TUT4: variants seen among roughly 807,000 people sequenced by gnomAD.
TUT4 encodes terminal uridylyl transferase 4.
In TUT4, 36 loss-of-function variants were observed where a neutral mutation model predicts 192.2. The ratio of observed to expected loss-of-function variants is 0.19; its 90% CI spans 0.14 to 0.25. TUT4 has a LOEUF of 0.25. Ranked by LOEUF, TUT4 falls within the 10% of genes least tolerant of loss-of-function variation. The pLI is 1.00. For missense variants in TUT4, 1,493 were observed against 1,957.2 expected (o/e 0.76, Z 4.47); for synonymous variants, 618 against 666.0 (o/e 0.93, Z 1.11).
At chr1:52,511,146 A>G (rs1677044866) in intron 3 of TUT4, among the ~76,000 whole-genome samples, 1 of 152,230 alleles carries the variant, frequency 6.6e-6, no homozygotes, top group South Asian at 2.1e-4. Flanking sequence ...CATCCCTTAT[A>G]GAGTATTAAC....
chr1:52,522,208 T>G (rs1379529454), intron 2 of TUT4, among the ~76,000 whole-genome samples: 1 of 152,234 alleles, frequency 6.6e-6, no homozygotes, highest in Non-Finnish European at 1.5e-5. Context: ...GAAAAATGAC[T>G]GTATACTACA....
rs774531736 is a variant in TUT4, at chr1:52,458,455, AAAC to A, written c.3322-9_3322-7del. ...GCATCCCCAATGTCACATCGCTAAA[AAAC>A]AACATGATTGAAAACAAAACTTCAG... On this transcript the variant is annotated splice_region_variant and splice_polypyrimidine_tract_variant and intron_variant, in intron 19 of 29. Transcript: ENST00000257177. 31 of 1,603,148 alleles carry A rather than the reference AAAC, an allele frequency of 1.9e-5. No individual in the cohort carries two copies. Among genetic ancestry groups the A allele is most frequent in the Non-Finnish European group, 2.5e-5 (29 of 1,171,956 alleles).
intron 9 of TUT4, among the ~76,000 whole-genome samples, chr1:52,488,423 T>C (rs1670328049): frequency 6.6e-6 from 1 of 152,150 alleles, no homozygotes; most frequent in African/African-American, 2.4e-5. Flanking sequence ...ACATACAAAT[T>C]AAGACTAATT....
At chr1:52,548,969 G>A (rs1042357800) in intron 1 of TUT4, among the ~76,000 whole-genome samples, 1 of 152,138 alleles carries the variant, frequency 6.6e-6, no homozygotes, top group Admixed American at 6.5e-5. Flanking sequence ...GTATAACAAG[G>A]TGATCTCCCC....
chr1:52,497,096 C>T lies in TUT4; in HGVS notation c.1087G>A (p.Ala363Thr), dbSNP rs763459321. The change falls in exon 5 of 30, where the codon GCA (alanine) becomes ACA (threonine). Residue 363 changes from alanine (A) to threonine (T), a missense_variant. By Grantham distance (58) the Ala-to-Thr change is moderately conservative. Transcript: ENST00000257177. ...AALSVAVIEL[A>T]KEHGITDDDL... ...TCATCTGTTATTCCATGTTCTTTTG[C>T]TAATTCAATGACTGCAACACTTAAA... The T allele has an allele frequency of 2.5e-6, 4 of 1,613,812 alleles. No individual in the cohort carries two copies. The highest frequency in any genetic ancestry group is 1.1e-5 in the South Asian group (1 of 91,040).
chr1:52,435,492 C>A, intron 26 of TUT4, 27 bp from the exon 27 acceptor site: 1 of 1,562,786 alleles, frequency 6.4e-7, no homozygotes. Flanking sequence ...CAAAGAAAAT[C>A]AACAGATAAG....
At chr1:52,448,353 C>T (rs1234549781) in intron 20 of TUT4, among the ~76,000 whole-genome samples, 2 of 152,108 alleles carry the variant, frequency 1.3e-5, no homozygotes, top group East Asian at 1.9e-4. Context: ...TTTGGGAGGC[C>T]GAGGCAGGCG....
chr1:52,512,187 G>C (rs748072497), intron 3 of TUT4, among the ~76,000 whole-genome samples: 1 of 152,138 alleles, frequency 6.6e-6, no homozygotes, highest in Non-Finnish European at 1.5e-5. Context: ...ACTGACCTTG[G>C]ATAAAGCTGT....
rs976949876 is a variant in TUT4 at position 52,490,736 on chromosome 1, T to C, written c.1384A>G (p.Lys462Glu). 4 of 1,608,502 alleles carry C rather than the reference T, an allele frequency of 2.5e-6. No homozygotes were observed. The highest frequency in any genetic ancestry group is 2.5e-6 in the Non-Finnish European group (3 of 1,177,998). The change falls in exon 8 of 30, where the codon AAA (lysine) becomes GAA (glutamate). Residue 462 changes from lysine to glutamate, a missense_variant. Physicochemically the swap from Lys to Glu is moderately conservative, Grantham distance 56. Around this residue, in one of 7 missense-constraint regions of TUT4, gnomAD observed 437 missense variants for 577.6 expected, o/e 0.76. Transcript: ENST00000257177. ...KVPVVVCRDR[K>E]SGLLCRVSAG... ...TTTATCTTCATTGTTACCAACCTTTTTCGATCTCTGCACACCACAACAGGA... is the reference window on the plus strand; with the variant it reads ...TTTATCTTCATTGTTACCAACCTTTCTCGATCTCTGCACACCACAACAGGA...
chr1:52,515,447 G>A, intron 3 of TUT4: 1 of 188,706 alleles, frequency 5.3e-6, no homozygotes, highest in Non-Finnish European at 1.1e-5. Context: ...TTTATGCTTT[G>A]GCAAAGACTA....
chr1:52,505,345 G>C (rs1675235340), intron 4 of TUT4, among the ~76,000 whole-genome samples: 1 of 151,278 alleles, frequency 6.6e-6, no homozygotes, highest in Non-Finnish European at 1.5e-5. Flanking sequence ...AAGGAGCTGG[G>C]ACTAACACAC....
At chr1:52,515,829 C>T in intron 3 of TUT4, 62 bp downstream of exon 3, 6 of 1,596,228 alleles carry the variant, frequency 3.8e-6, no homozygotes, top group Non-Finnish European at 5.1e-6. Flanking sequence ...AAAAGCTGTA[C>T]TTGGGGAAAA....
chr1:52,460,490 G>GAAC (rs1303178829), intron 19 of TUT4, among the ~76,000 whole-genome samples: 1,543 of 151,802 alleles, frequency 0.01, 22 homozygotes, highest in African/African-American at 0.036. Flanking sequence ...TCAACAACAG[G>GAAC]AACAACAACA....
intron 4 of TUT4, among the ~76,000 whole-genome samples, chr1:52,499,841 T>TG (rs1321285827): frequency 1.3e-5 from 2 of 151,658 alleles, no homozygotes; most frequent in African/African-American, 4.8e-5. Flanking sequence ...GAGGCAGAGG[T>TG]GGGCGGATCA....
intron 29 of TUT4, 183 bp downstream of exon 29, chr1:52,425,166 T>G (rs949653936): frequency 1.7e-6 from 1 of 575,108 alleles, no homozygotes; most frequent in Non-Finnish European, 2.8e-6. Context: ...TAATAAAGTG[T>G]GCATCAAGTA....
chr1:52,531,977 TC>T (rs753993729), intron 1 of TUT4, among the ~76,000 whole-genome samples: 8 of 139,878 alleles, frequency 5.7e-5, no homozygotes, highest in Non-Finnish European at 1.1e-4. Flanking sequence ...AACCTCCACT[TC>T]CCAGGTTCAA....
chr1:52,476,965 T>C (rs1423400109), intron 12 of TUT4, among the ~76,000 whole-genome samples: 1 of 152,216 alleles, frequency 6.6e-6, no homozygotes, highest in East Asian at 1.9e-4. Context: ...AAGATCTTAA[T>C]GGTCTTGGGA....
At chr1:52,435,272 T>C (rs1394412375) in intron 27 of TUT4, 93 bp downstream of exon 27, 11 of 982,444 alleles carry the variant, frequency 1.1e-5, no homozygotes, top group African/African-American at 1.6e-5. Flanking sequence ...ATCTGGAAGA[T>C]TGTATTAGCC....
At chr1:52,546,715 A>G (rs1688175852) in intron 1 of TUT4, among the ~76,000 whole-genome samples, 2 of 152,228 alleles carry the variant, frequency 1.3e-5, no homozygotes, top group African/African-American at 2.4e-5. Context: ...GCAATTTTTA[A>G]AAGTTGGAAA....
Sources: gnomAD v4.1 joint callset for allele counts (sites outside exome capture counted in the v4.1 genomes callset) on GRCh38, gnomAD v4.1.1 for gene constraint, gnomAD v4.1.1 regional missense constraint, MANE v1.5 for transcripts, NCBI Gene and HGNC (gene_info 2026-07-23, HGNC 2026-07-21) for gene names.